SMCHD1: variants seen among roughly 807,000 people sequenced by gnomAD.
The protein encoded by SMCHD1 is structural maintenance of chromosomes flexible hinge domain-containing protein 1.
SMCHD1 carries 78 observed loss-of-function variants against 254.7 expected under a neutral mutation model. That is an observed-to-expected ratio of 0.31 (90% CI 0.26 to 0.37). The LOEUF (loss-of-function observed/expected upper bound fraction) is 0.37, where lower values mean the gene tolerates loss of function less well. SMCHD1 is among the 10% of genes least tolerant of loss of function. The pLI is 1.00. For missense variants in SMCHD1, 1,840 were observed against 2,408.1 expected (o/e 0.76, Z 4.94); for synonymous variants, 766 against 794.9 (o/e 0.96, Z 0.61).
At chr18:2,696,235 G>T (rs2074282530) in intron 8 of SMCHD1, among the ~76,000 whole-genome samples, 1 of 152,136 alleles carries the variant, frequency 6.6e-6, no homozygotes, top group Non-Finnish European at 1.5e-5. Flanking sequence ...CTATAGGAGA[G>T]GAGAGATGAA....
Position 2,707,803 on chromosome 18 carries a change from A to T in SMCHD1, c.2147-4A>T. 3.8e-6 allele frequency: 6 copies of T among 1,597,064 alleles called. No individual in the cohort carries two copies. The highest frequency in any genetic ancestry group is 5.1e-6 in the Non-Finnish European group (6 of 1,172,710). The stretch of plus-strand genomic sequence containing the variant: ...TTAAGATACTTTTAATTTTTGACTC[A>T]TAGGTGCGTTAAGAATTGAAATACT... On this transcript the variant is annotated splice_region_variant and splice_polypyrimidine_tract_variant and intron_variant, in intron 16 of 47. Transcript: ENST00000320876.
At chr18:2,791,365 G>A (rs1056915319) in intron 45 of SMCHD1, among the ~76,000 whole-genome samples, 2 of 152,128 alleles carry the variant, frequency 1.3e-5, no homozygotes, top group Admixed American at 6.5e-5. Flanking sequence ...CAAGATGGGC[G>A]GATTGCTTGA....
At chr18:2,712,083 T>A (rs1467124145) in intron 17 of SMCHD1, among the ~76,000 whole-genome samples, 2 of 152,202 alleles carry the variant, frequency 1.3e-5, no homozygotes, top group Admixed American at 6.5e-5. Flanking sequence ...TCTTATAAAT[T>A]ATTCAGCCTC....
At chr18:2,772,587 A>T (rs1015054266) in intron 41 of SMCHD1, among the ~76,000 whole-genome samples, 3 of 152,248 alleles carry the variant, frequency 2.0e-5, no homozygotes, top group African/African-American at 7.2e-5. Flanking sequence ...AGTTGTTAAC[A>T]TCTATTAGTT....
chr18:2,707,032 CA>C (rs1369848479), intron 15 of SMCHD1, among the ~76,000 whole-genome samples: 1 of 152,132 alleles, frequency 6.6e-6, no homozygotes, highest in Non-Finnish European at 1.5e-5. Context: ...AACTCACTAT[CA>C]AGAGAACAGC....
At chr18:2,705,398 T>C (rs2074490756) in intron 13 of SMCHD1, among the ~76,000 whole-genome samples, 1 of 152,184 alleles carries the variant, frequency 6.6e-6, no homozygotes, top group Non-Finnish European at 1.5e-5. Flanking sequence ...TTCAGATATG[T>C]TGGCATTCAT....
intron 41 of SMCHD1, among the ~76,000 whole-genome samples, chr18:2,773,594 T>G (rs1428643803): frequency 6.6e-6 from 1 of 152,160 alleles, no homozygotes; most frequent in Non-Finnish European, 1.5e-5. Context: ...TTTCCCTCGC[T>G]TCCTTAAAAA....
intron 29 of SMCHD1, among the ~76,000 whole-genome samples, chr18:2,745,767 A>C (rs561760329): frequency 6.6e-5 from 10 of 152,334 alleles, no homozygotes; most frequent in Admixed American, 2.0e-4. Flanking sequence ...TTATTATAAG[A>C]GTTATTTGTA....
In SMCHD1 at chr18:2,722,593, C is replaced by G. The variant is rs1173599215; in HGVS notation, c.2533C>G (p.Leu845Val). Residue 845 changes from leucine (L) to valine (V), a missense_variant, in exon 20 of 48, where the codon CTG (leucine) becomes GTG (valine). By Grantham distance (32) the Leu-to-Val change is conservative (BLOSUM62 1). Coordinates refer to ENST00000320876, the MANE Select transcript of SMCHD1 (RefSeq NM_015295.3). ...FRVGVPFNIPLEFQDEFGHTS... is the reference protein window; with the variant it reads ...FRVGVPFNIPVEFQDEFGHTS... ...TGTTGGAGTTCCATTTAATATCCCT[C>G]TGGAGTTTCAGGATGAATTTGGTCA... The G allele has an allele frequency of 6.2e-7, 1 of 1,613,088 alleles. No homozygotes were observed. Among genetic ancestry groups the G allele is most frequent in the Non-Finnish European group, 8.5e-7 (1 of 1,179,464 alleles).
intron 5 of SMCHD1, among the ~76,000 whole-genome samples, chr18:2,681,370 G>A (rs551055044): frequency 5.6e-5 from 8 of 143,576 alleles, no homozygotes; most frequent in South Asian, 2.2e-4. Context: ...CCGAGATTGC[G>A]CCGCTGTACT....
chr18:2,774,422 CT>C (rs1568362789), intron 41 of SMCHD1, among the ~76,000 whole-genome samples: 1 of 151,752 alleles, frequency 6.6e-6, no homozygotes, highest in African/African-American at 2.4e-5. Flanking sequence ...TGTTTTTTGG[CT>C]TTTTTTGAGA....
rs2074841215 is a variant in SMCHD1, at chr18:2,718,021, A to G, written c.2261-137A>G. ...TTATTGCTGTTCACTTTCATAGGATAGTGTTAGATCTTTTGAAGCTTCAAA... is the reference window on the plus strand; with the variant it reads ...TTATTGCTGTTCACTTTCATAGGATGGTGTTAGATCTTTTGAAGCTTCAAA... On this transcript the variant is annotated intron_variant, in intron 17 of 47. Coordinates refer to ENST00000320876, the MANE Select transcript of SMCHD1 (RefSeq NM_015295.3). The surrounding 1 kb of genome is among the most constrained non-coding windows in gnomAD (Gnocchi z 4.6). The G allele has an allele frequency of 1.7e-6, 1 of 603,932 alleles. No homozygotes were observed. The highest frequency in any genetic ancestry group is 1.8e-5 in the African/African-American group (1 of 54,138). 37.4% of individuals were successfully genotyped at this position (603,932 alleles called of 1,614,324 possible).
intron 5 of SMCHD1, among the ~76,000 whole-genome samples, chr18:2,678,535 T>C (rs1308139357): frequency 2.0e-5 from 3 of 152,158 alleles, no homozygotes; most frequent in Non-Finnish European, 4.4e-5. Context: ...CAGGTTGGTC[T>C]CGAACTCCTG....
chr18:2,709,557 C>T (rs117754132), intron 17 of SMCHD1, among the ~76,000 whole-genome samples: 2,734 of 152,082 alleles, frequency 0.018, 41 homozygotes, highest in Middle Eastern at 0.1. Context: ...TTGTGGGGGA[C>T]GGATAATAGC....
At chr18:2,768,455 C>T (rs936447605) in intron 37 of SMCHD1, among the ~76,000 whole-genome samples, 17 of 152,062 alleles carry the variant, frequency 1.1e-4, no homozygotes, top group African/African-American at 3.6e-4. Flanking sequence ...TGATACTTAC[C>T]TTTTAAAATA....
At chr18:2,763,089 T>C (rs1404187193) in intron 36 of SMCHD1, among the ~76,000 whole-genome samples, 2 of 152,218 alleles carry the variant, frequency 1.3e-5, no homozygotes, top group Non-Finnish European at 2.9e-5. Context: ...GGGATGCTTG[T>C]CTACTTTCAG....
intron 41 of SMCHD1, among the ~76,000 whole-genome samples, chr18:2,774,705 C>T (rs2076037814): frequency 6.6e-6 from 1 of 152,164 alleles, no homozygotes; most frequent in Admixed American, 6.5e-5. Context: ...GTCACCATGT[C>T]CAGCCTGATG....
chr18:2,765,860 G>A (rs1031449943), intron 37 of SMCHD1, among the ~76,000 whole-genome samples: 6 of 152,236 alleles, frequency 3.9e-5, no homozygotes, highest in Admixed American at 6.5e-5. Flanking sequence ...TGAAAGCCAC[G>A]TTGAAAAACA....
intron 47 of SMCHD1, among the ~76,000 whole-genome samples, chr18:2,799,967 A>G (rs1476436655): frequency 6.6e-6 from 1 of 152,046 alleles, no homozygotes; most frequent in African/African-American, 2.4e-5. Context: ...GATAACTTGG[A>G]GCCCTTCTAT....
Sources: allele counts gnomAD v4.1 joint callset (sites outside exome capture counted in the v4.1 genomes callset), GRCh38; gene constraint gnomAD v4.1.1; non-coding constraint Gnocchi (gnomAD v3.1); transcripts MANE v1.5; gene names NCBI Gene and HGNC (gene_info 2026-07-23, HGNC 2026-07-21).